Variants in PLCH2 observed in about 807,000 individuals in gnomAD.
PLCH2 encodes the protein 1-phosphatidylinositol 4,5-bisphosphate phosphodiesterase eta-2.
Under a neutral mutation model 134.7 loss-of-function variants are expected in PLCH2, and 98 were observed. The observed-to-expected ratio is 0.73, with a 90% CI of 0.62 to 0.86. PLCH2 has a LOEUF of 0.86. Ranked by LOEUF, PLCH2 falls within the 40% of genes least tolerant of loss-of-function variation. The pLI is 0.00. For synonymous variants in PLCH2, 974 were observed against 827.5 expected (o/e 1.18, Z -3.04); for missense variants, 1,994 against 1,986.6 (o/e 1.00, Z -0.07).
chr1:2,466,512 A>G (rs762633213), upstream of PLCH2, among the ~76,000 whole-genome samples: 8 of 152,180 alleles, frequency 5.3e-5, no homozygotes, highest in Non-Finnish European at 1.2e-4. Flanking sequence ...GCATGGCAGG[A>G]GGTGGTCACA....
In PLCH2 at chr1:2,495,426, C is replaced by T. The variant is rs374836012; in HGVS notation, c.1753-62C>T. 2.1e-4 allele frequency: 304 copies of T among 1,426,310 alleles called. 3 individuals are homozygous for T. In the East Asian group the frequency reaches 5.0e-3, roughly 23 times the overall value. 88.4% of individuals were successfully genotyped at this position (1,426,310 alleles called of 1,614,324 possible). On this transcript the variant is annotated intron_variant, in intron 12 of 21. Transcript: ENST00000378486. ...GGATAGGCCCTCCCCAACCCCCCAG[C>T]CTTCGCCAAGGCCTGGCCTGGGCCA...
chr1:2,452,220 C>T (rs1200516482), intron 2 of PLCH2, among the ~76,000 whole-genome samples: 1 of 152,214 alleles, frequency 6.6e-6, no homozygotes, highest in Non-Finnish European at 1.5e-5. Context: ...CCGCACGACC[C>T]AGGATGCTGG....
Position 2,454,112 on chromosome 1 carries a change from C to T in PLCH2, c.115+23483C>T, listed in dbSNP as rs578179511. On this transcript the variant is annotated intron_variant, in intron 2 of 3. Transcript: ENST00000609981. ...ACTGTGGGCATAGCCATGAGGGCCA[C>T]CTGGCCTCTCCAGCAGTCCGGGCTG... is the stretch of plus-strand genomic sequence containing the variant. Among the ~76,000 whole-genome samples, 4 of 152,330 alleles carry T rather than the reference C, an allele frequency of 2.6e-5. No homozygotes were observed. The East Asian group carries it at 7.7e-4, about 29-fold the overall frequency.
chr1:2,472,601 A>T (rs1570379329), upstream of PLCH2, among the ~76,000 whole-genome samples: 1 of 152,174 alleles, frequency 6.6e-6, no homozygotes, highest in East Asian at 1.9e-4. Flanking sequence ...CCTGGGGGCC[A>T]TTGGGACAGC....
chr1:2,498,558 G>A lies in PLCH2; in HGVS notation c.2260G>A (p.Gly754Arg), dbSNP rs377674325. ...FNPNSEDPLP[G>R]QLKKQLVLRI... ...CCCCAACTCGGAGGACCCCCTGCCCGGGCAGCTCAAGAAGCAGCTGGTGCT... is the reference window on the plus strand; with the variant it reads ...CCCCAACTCGGAGGACCCCCTGCCCAGGCAGCTCAAGAAGCAGCTGGTGCT... The change falls in exon 17 of 22, where the codon GGG (glycine) becomes AGG (arginine). Residue 754 changes from glycine (G) to arginine (R), a missense_variant. By Grantham distance (125) the Gly-to-Arg change is moderately radical (BLOSUM62 -2). This residue lies in a region of PLCH2 where 1,094 missense variants were observed against 1,234.3 expected (regional missense o/e 0.89). Transcript: ENST00000378486. The surrounding 1 kb of genome is among the most constrained non-coding windows in gnomAD (Gnocchi z 5.4). 1.2e-5 allele frequency: 19 copies of A among 1,606,648 alleles called. No homozygotes were observed. Among genetic ancestry groups the A allele is most frequent in the African/African-American group, 9.4e-5 (7 of 74,674 alleles).
chr1:2,443,888 G>T (rs1639811688), intron 2 of PLCH2, among the ~76,000 whole-genome samples: 1 of 150,938 alleles, frequency 6.6e-6, no homozygotes, highest in African/African-American at 2.4e-5. Context: ...CTCCCGGCCC[G>T]CAGCCCCCGC....
upstream of PLCH2, among the ~76,000 whole-genome samples, chr1:2,425,631 A>C (rs1638756611): frequency 6.6e-6 from 1 of 151,714 alleles, no homozygotes; most frequent in Non-Finnish European, 1.5e-5. Flanking sequence ...CTCCTGCCTC[A>C]GACCCCCAAG....
intron 2 of PLCH2, among the ~76,000 whole-genome samples, chr1:2,458,179 G>C (rs1418894012): frequency 6.6e-6 from 1 of 152,194 alleles, no homozygotes; most frequent in African/African-American, 2.4e-5. Context: ...ACTCAGGGCA[G>C]GACACCGGGC....
chr1:2,416,406 AG>A, the PLCH2 span, among the ~76,000 whole-genome samples: 1 of 152,236 alleles, frequency 6.6e-6, no homozygotes, highest in Non-Finnish European at 1.5e-5. Flanking sequence ...CAGGGACTGT[AG>A]GGTGCGGCCC....
chr1:2,451,378 G>A lies in PLCH2; in HGVS notation c.115+20749G>A, dbSNP rs913941497. 3.3e-5 allele frequency among the ~76,000 whole-genome samples: 5 copies of A among 152,206 alleles called. No individual in the cohort carries two copies. In the South Asian group the frequency reaches 8.3e-4, roughly 25 times the overall value. On this transcript the variant is annotated intron_variant, in intron 2 of 3. Transcript: ENST00000609981. ...CTAGCAGTGACAGGCAGAGATTGTC[G>A]CGGAGAATGTGGCTGATGGAGGTGC... is the stretch of plus-strand genomic sequence containing the variant.
intron 1 of PLCH2, among the ~76,000 whole-genome samples, chr1:2,468,569 G>A (rs1037183162): frequency 6.6e-6 from 1 of 152,128 alleles, no homozygotes. Context: ...GGCCAGGGGC[G>A]GGGAGAGGAA....
At chr1:2,455,386 G>C (rs1295280241) in intron 2 of PLCH2, among the ~76,000 whole-genome samples, 3 of 152,166 alleles carry the variant, frequency 2.0e-5, no homozygotes, top group African/African-American at 4.8e-5. Context: ...TGCATCCCTC[G>C]GTGTGGGTCC....
intron 2 of PLCH2, among the ~76,000 whole-genome samples, chr1:2,434,251 G>C (rs1639217450): frequency 6.6e-6 from 1 of 152,236 alleles, no homozygotes; most frequent in South Asian, 2.1e-4. Context: ...CCTTCCCCAG[G>C]TCAGTCCCTG....
At chr1:2,497,111 C>T in intron 15 of PLCH2, 101 bp downstream of exon 15, 2 of 1,172,536 alleles carry the variant, frequency 1.7e-6, no homozygotes, top group Non-Finnish European at 2.4e-6. Flanking sequence ...GGCCTCGGTT[C>T]TGTCCTGGGC....
chr1:2,419,968 C>A, the PLCH2 span, among the ~76,000 whole-genome samples: 1 of 150,914 alleles, frequency 6.6e-6, no homozygotes, highest in Non-Finnish European at 1.5e-5. Flanking sequence ...CAAGTCCCCC[C>A]CCCACCCCCA....
chr1:2,425,690 G>GT (rs74733826), upstream of PLCH2, among the ~76,000 whole-genome samples: 23,282 of 142,118 alleles, frequency 0.16, 2,184 homozygotes, highest in East Asian at 0.32. Context: ...ATTTTGGTGT[G>GT]TTTTTTTTTT....
chr1:2,503,653 C>T lies in PLCH2; in HGVS notation c.2960-269C>T, dbSNP rs753697372. On this transcript the variant is annotated intron_variant, in intron 21 of 21. Coordinates refer to ENST00000378486, the MANE Select transcript of PLCH2 (RefSeq NM_014638.4). ...GAGCGGCGAGTGACAGGTAACGGGG[C>T]CCAGCCCCGGTGTCCCGTGCTGTCC... The T allele has an allele frequency of 4.3e-6, 3 of 695,292 alleles. No homozygotes were observed. In the South Asian group the frequency reaches 4.5e-5, roughly 10 times the overall value. The allele number at this position is 695,292 out of a possible 1,614,324, so 43.1% of individuals were successfully genotyped here.
chr1:2,487,540 C>T, intron 7 of PLCH2, 58 bp from the exon 8 acceptor site: 2 of 1,573,890 alleles, frequency 1.3e-6, no homozygotes, highest in African/African-American at 2.7e-5. Flanking sequence ...GAAGCTCAGC[C>T]TGCCTGGGCT....
intron 1 of PLCH2, 111 bp downstream of exon 1, chr1:2,476,823 G>T (rs1641654796): frequency 1.8e-6 from 2 of 1,140,848 alleles, no homozygotes; most frequent in Non-Finnish European, 2.4e-6. Context: ...ATCCCATCCT[G>T]CACTCGCCTC....
Sources: gnomAD v4.1 joint callset for allele counts (sites outside exome capture counted in the v4.1 genomes callset) on GRCh38, gnomAD v4.1.1 for gene constraint, gnomAD v4.1.1 regional missense constraint, Gnocchi (gnomAD v3.1) non-coding constraint, MANE v1.5 for transcripts, NCBI Gene and HGNC (gene_info 2026-07-23, HGNC 2026-07-21) for gene names.